Variants in HSD17B11 observed in about 807,000 individuals in gnomAD.
HSD17B11 encodes the protein hydroxysteroid 17-beta dehydrogenase 11.
In HSD17B11, 22 loss-of-function variants were observed where a neutral mutation model predicts 27.8. The observed-to-expected ratio is 0.79, with a 90% CI of 0.56 to 1.13. HSD17B11 has a LOEUF of 1.13. Among genes scored for constraint, HSD17B11 ranks in the 50% most tolerant of loss-of-function variants. The pLI is 0.00. For synonymous variants in HSD17B11, 117 were observed against 132.8 expected, an observed-to-expected ratio of 0.88 and a Z score of 0.82; for missense variants, 314 against 351.1, an observed-to-expected ratio of 0.89 and a Z score of 0.84.
intron 5 of HSD17B11, among the ~76,000 whole-genome samples, chr4:87,346,825 G>C (rs139032642): frequency 0.018 from 2,701 of 151,876 alleles, 61 homozygotes; most frequent in South Asian, 0.05. Flanking sequence ...GGGACACTGA[G>C]GCAAGATCAG....
At chr4:87,344,699 T>G (rs980189298) in intron 5 of HSD17B11, among the ~76,000 whole-genome samples, 13 of 152,188 alleles carry the variant, frequency 8.5e-5, no homozygotes, top group Non-Finnish European at 1.9e-4. Context: ...ATACACATTA[T>G]TCTCAAGAAC....
chr4:87,370,061 A>G (rs1040557680), intron 4 of HSD17B11, among the ~76,000 whole-genome samples: 10 of 152,238 alleles, frequency 6.6e-5, no homozygotes, highest in Non-Finnish European at 1.2e-4. Context: ...TTCCTAAGAT[A>G]GGCTACTAGA....
At chr4:87,353,605 A>C (rs888081638) in intron 5 of HSD17B11, among the ~76,000 whole-genome samples, 16 of 152,176 alleles carry the variant, frequency 1.1e-4, no homozygotes, top group Admixed American at 2.0e-4. Context: ...CTTTTCCTCC[A>C]GAGTGCAAAT....
intron 5 of HSD17B11, among the ~76,000 whole-genome samples, chr4:87,353,585 T>C (rs746000458): frequency 6.6e-6 from 1 of 152,174 alleles, no homozygotes; most frequent in Non-Finnish European, 1.5e-5. Context: ...CATCTTAGCC[T>C]CTTTTCACAC....
chr4:87,354,875 G>C (rs972591406), intron 5 of HSD17B11, among the ~76,000 whole-genome samples: 1 of 150,454 alleles, frequency 6.6e-6, no homozygotes, highest in Admixed American at 6.7e-5. Flanking sequence ...CACTTTGGGA[G>C]GTGAGGTGGA....
chr4:87,374,968 A>C (rs1228681738), intron 2 of HSD17B11, 138 bp from the exon 3 acceptor site: 1 of 534,438 alleles, frequency 1.9e-6, no homozygotes. Flanking sequence ...ATCTTGGCTC[A>C]CTGCAACCTC....
intron 1 of HSD17B11, among the ~76,000 whole-genome samples, chr4:87,388,746 G>A (rs751863329): frequency 1.3e-5 from 2 of 152,156 alleles, no homozygotes; most frequent in African/African-American, 4.8e-5. Flanking sequence ...TATATCCTCA[G>A]TTCTGCATTA....
intron 2 of HSD17B11, 60 bp from the exon 3 acceptor site, chr4:87,374,890 A>G: frequency 7.6e-7 from 1 of 1,309,400 alleles, no homozygotes; most frequent in South Asian, 1.4e-5. Context: ...AAGTTTATAC[A>G]CAATGGCTAT....
intron 4 of HSD17B11, among the ~76,000 whole-genome samples, chr4:87,361,818 T>C (rs1201701804): frequency 6.6e-6 from 1 of 152,152 alleles, no homozygotes; most frequent in African/African-American, 2.4e-5. Flanking sequence ...CCCTGAATTC[T>C]TTCTTTCATG....
rs1735507161 is a variant in HSD17B11 at position 87,361,264 on chromosome 4, C to T, written c.558-3848G>A. Among the ~76,000 whole-genome samples the T allele has an allele frequency of 2.0e-5, 3 of 152,226 alleles. 1 individual carries two copies. The South Asian group carries it at 6.2e-4, about 32-fold the overall frequency. ...CAAAAGTGACCTCTGGTCGTCCTCA[C>T]TGCTACACTCCCACCAGCGCCATAA... is the stretch of plus-strand genomic sequence containing the variant. On this transcript the variant is annotated intron_variant, in intron 4 of 6. Transcript: ENST00000358290.
chr4:87,346,840 G>A (rs1346217061), intron 5 of HSD17B11, among the ~76,000 whole-genome samples: 1 of 151,748 alleles, frequency 6.6e-6, no homozygotes, highest in African/African-American at 2.4e-5. Flanking sequence ...GATCAGCCTG[G>A]GGAACAAAGC....
chr4:87,359,012 T>C (rs1210003730), intron 4 of HSD17B11, among the ~76,000 whole-genome samples: 1 of 152,036 alleles, frequency 6.6e-6, no homozygotes, highest in African/African-American at 2.4e-5. Flanking sequence ...GATCTGATGG[T>C]TTTTTAGGTG....
Position 87,378,829 on chromosome 4 carries a change from TAA to T in HSD17B11, c.318+3424_318+3425del, listed in dbSNP as rs1165390453. On this transcript the variant is annotated intron_variant, in intron 2 of 6. Coordinates refer to ENST00000358290, the MANE Select transcript of HSD17B11 (RefSeq NM_016245.5). The stretch of plus-strand genomic sequence containing the variant: ...TATATATAAATATAAAATATATATA[TAA>T]ATATATATATATAAATATATATATA... 1.3e-3 allele frequency among the ~76,000 whole-genome samples: 34 copies of T among 26,296 alleles called. 4 individuals are homozygous for T. Among genetic ancestry groups the T allele is most frequent in the African/African-American group, 1.8e-3 (7 of 3,938 alleles). The allele number at this position is 26,296 out of a possible 152,430, so 17.3% of individuals were successfully genotyped here. A position where few individuals can be genotyped will look rare whatever the true frequency, so the allele number is the denominator to read the frequency against.
chr4:87,385,410 A>G (rs935173799), intron 1 of HSD17B11, among the ~76,000 whole-genome samples: 5 of 152,160 alleles, frequency 3.3e-5, no homozygotes, highest in Non-Finnish European at 7.4e-5. Context: ...GGTTGTTGCC[A>G]GGACCTGGGG....
intron 4 of HSD17B11, among the ~76,000 whole-genome samples, chr4:87,358,432 T>C (rs1335929745): frequency 6.6e-6 from 1 of 152,196 alleles, no homozygotes; most frequent in Non-Finnish European, 1.5e-5. Context: ...TAACAGCTCT[T>C]TCATTTGGAA....
intron 4 of HSD17B11, among the ~76,000 whole-genome samples, chr4:87,364,781 C>G (rs944937492): frequency 1.3e-5 from 2 of 152,216 alleles, no homozygotes; most frequent in Admixed American, 1.3e-4. Flanking sequence ...CTGCCTTCAG[C>G]TGCTTATTTG....
At chr4:87,386,503 G>A (rs1030271276) in intron 1 of HSD17B11, among the ~76,000 whole-genome samples, 8 of 151,980 alleles carry the variant, frequency 5.3e-5, no homozygotes, top group Admixed American at 2.6e-4. Flanking sequence ...GCACCCGGCC[G>A]GTGCAACAAA....
At chr4:87,345,962 G>A (rs531960746) in intron 5 of HSD17B11, among the ~76,000 whole-genome samples, 4 of 152,224 alleles carry the variant, frequency 2.6e-5, no homozygotes, top group Non-Finnish European at 5.9e-5. Flanking sequence ...GAATTACCCC[G>A]ATACTAAAAA....
At chr4:87,361,563 C>T (rs1003570700) in intron 4 of HSD17B11, among the ~76,000 whole-genome samples, 3 of 152,106 alleles carry the variant, frequency 2.0e-5, no homozygotes, top group Non-Finnish European at 2.9e-5. Context: ...GTCAGGAGAT[C>T]GAGACCATCC....
Sources: allele counts gnomAD v4.1 joint callset (sites outside exome capture counted in the v4.1 genomes callset), GRCh38; gene constraint gnomAD v4.1.1; transcripts MANE v1.5; gene names NCBI Gene and HGNC (gene_info 2026-07-23, HGNC 2026-07-21).